Variants in SLC25A13 observed in about 807,000 individuals in gnomAD.
The protein encoded by SLC25A13 is solute carrier family 25 member 13.
In SLC25A13, 70 loss-of-function variants were observed where a neutral mutation model predicts 85.5. The ratio of observed to expected loss-of-function variants is 0.82; its 90% confidence interval spans 0.68 to 1.00. The LOEUF (loss-of-function observed/expected upper bound fraction) is 1.00. Among genes scored for constraint, SLC25A13 ranks in the 50% least tolerant of loss-of-function variants. The pLI is 0.00. For missense variants in SLC25A13, 765 were observed against 819.8 expected (o/e 0.93, Z 0.82); for synonymous variants, 259 against 288.7 (o/e 0.90, Z 1.04).
chr7:96,170,270 A>G, intron 12 of SLC25A13, 145 bp from the exon 13 acceptor site: 1 of 748,644 alleles, frequency 1.3e-6, no homozygotes, highest in South Asian at 1.6e-5. Context: ...CAGATCTTAA[A>G]ATAGTTTGAG....
At chr7:96,185,284 T>TA (rs923723622) in intron 9 of SLC25A13, among the ~76,000 whole-genome samples, 195 of 151,976 alleles carry the variant, frequency 1.3e-3, no homozygotes, top group African/African-American at 4.3e-3. Context: ...AAATTCTCAT[T>TA]AAAAAAAATG....
chr7:96,262,778 G>A (rs1370675838), intron 3 of SLC25A13, among the ~76,000 whole-genome samples: 2 of 152,138 alleles, frequency 1.3e-5, no homozygotes, highest in Non-Finnish European at 2.9e-5. Flanking sequence ...AGCAGATTGA[G>A]CACAAGCCAG....
chr7:96,225,385 A>C (rs1190593012), intron 4 of SLC25A13, among the ~76,000 whole-genome samples: 1 of 152,120 alleles, frequency 6.6e-6, no homozygotes, highest in Non-Finnish European at 1.5e-5. Flanking sequence ...CTTTACGAAA[A>C]TAAAAATAAA....
chr7:96,244,648 C>G (rs1797116701), intron 3 of SLC25A13, among the ~76,000 whole-genome samples: 1 of 152,154 alleles, frequency 6.6e-6, no homozygotes. Flanking sequence ...GGCAGCCATT[C>G]TGTGCCCACC....
At chr7:96,279,624 C>T (rs1798592217) in intron 2 of SLC25A13, among the ~76,000 whole-genome samples, 1 of 152,136 alleles carries the variant, frequency 6.6e-6, no homozygotes, top group African/African-American at 2.4e-5. Flanking sequence ...CTGGCTCCAC[C>T]CTTTAAATGT....
At chr7:96,306,694 A>G (rs1799757302) in intron 1 of SLC25A13, 1 of 822,476 alleles carries the variant, frequency 1.2e-6, no homozygotes, top group Admixed American at 2.8e-5. Flanking sequence ...TACAGCAGCC[A>G]AACGGTGAGC....
At chr7:96,294,905 T>C (rs1799290754) in intron 2 of SLC25A13, among the ~76,000 whole-genome samples, 1 of 152,242 alleles carries the variant, frequency 6.6e-6, no homozygotes, top group Non-Finnish European at 1.5e-5. Context: ...TCCCTGCTTT[T>C]AATTCATTTG....
chr7:96,230,451 G>A (rs1374796204), intron 4 of SLC25A13, among the ~76,000 whole-genome samples: 1 of 152,126 alleles, frequency 6.6e-6, no homozygotes, highest in Non-Finnish European at 1.5e-5. Flanking sequence ...ATATTCTTCT[G>A]CATGTATGCT....
intron 3 of SLC25A13, among the ~76,000 whole-genome samples, chr7:96,238,840 A>C (rs1796844977): frequency 6.6e-6 from 1 of 151,934 alleles, no homozygotes. Flanking sequence ...CACAGACATT[A>C]GGTTCATTAA....
In SLC25A13 at chr7:96,277,325, T is replaced by G; in HGVS notation, c.83A>C (p.Glu28Ala). The G allele has an allele frequency of 1.9e-6, 3 of 1,612,904 alleles. No individual in the cohort carries two copies. The highest frequency in any genetic ancestry group is 1.7e-6 in the Non-Finnish European group (2 of 1,179,406). ...GGACATGAAAAATTCACCGTTTTTC[T>G]CAATGCTTGCATACTGTTTAAAAAA... Reference protein sequence around the residue: ...RTIFLKYASIEKNGEFFMSPN... With the variant: ...RTIFLKYASIAKNGEFFMSPN... Residue 28 changes from glutamate to alanine, a missense_variant, in exon 3 of 18, where the codon GAG becomes GCG. Transcript: ENST00000265631.
chr7:96,200,079 A>AGCATATTATAT (rs1795197229), intron 5 of SLC25A13, among the ~76,000 whole-genome samples: 1 of 152,108 alleles, frequency 6.6e-6, no homozygotes, highest in Admixed American at 6.6e-5. Flanking sequence ...TAAAGCCAAA[A>AGCATATTATAT]ATGCCAAAAA....
chr7:96,154,399 C>T (rs1172370845), intron 13 of SLC25A13, among the ~76,000 whole-genome samples: 1 of 150,798 alleles, frequency 6.6e-6, no homozygotes, highest in Admixed American at 6.6e-5. Context: ...CAGGTTCAAG[C>T]GATTCTCAGG....
At chr7:96,259,695 C>T (rs1009393403) in intron 3 of SLC25A13, among the ~76,000 whole-genome samples, 1 of 152,154 alleles carries the variant, frequency 6.6e-6, no homozygotes, top group East Asian at 1.9e-4. Context: ...ACCTAGCAAT[C>T]TCATTACTGG....
At chr7:96,249,406 C>T (rs978241978) in intron 3 of SLC25A13, among the ~76,000 whole-genome samples, 5 of 152,194 alleles carry the variant, frequency 3.3e-5, no homozygotes, top group Admixed American at 2.0e-4. Context: ...ATGAATTCAC[C>T]TATTAACACA....
chr7:96,206,794 C>A lies in SLC25A13; in HGVS notation c.468+2044G>T, dbSNP rs539825826. 3.9e-5 allele frequency among the ~76,000 whole-genome samples: 6 copies of A among 152,322 alleles called. No homozygotes were observed. In the South Asian group the frequency reaches 1.2e-3, roughly 32 times the overall value. ...AGTCCCTGAGTTATTTAATCCTGGA[C>A]TCTGGCTTCCCCATATCTGGAGGAA... On this transcript the variant is annotated intron_variant, in intron 5 of 17. Transcript: ENST00000265631.
intron 3 of SLC25A13, among the ~76,000 whole-genome samples, chr7:96,240,304 C>G (rs1796920184): frequency 6.6e-6 from 1 of 152,122 alleles, no homozygotes; most frequent in African/African-American, 2.4e-5. Context: ...CACATGACAC[C>G]AGAAGGAAGA....
chr7:96,231,748 G>A (rs1241458123), intron 4 of SLC25A13, among the ~76,000 whole-genome samples: 2 of 150,854 alleles, frequency 1.3e-5, no homozygotes, highest in Non-Finnish European at 3.0e-5. Flanking sequence ...AAAGAAAAAA[G>A]TAGGCAAACA....
intron 15 of SLC25A13, among the ~76,000 whole-genome samples, chr7:96,131,050 C>A (rs1280558163): frequency 6.6e-6 from 1 of 152,182 alleles, no homozygotes; most frequent in East Asian, 1.9e-4. Flanking sequence ...CATCCTGTGA[C>A]CGCCTTAGGG....
At chr7:96,284,627 A>G (rs1158135094) in intron 2 of SLC25A13, among the ~76,000 whole-genome samples, 3 of 152,204 alleles carry the variant, frequency 2.0e-5, no homozygotes, top group Non-Finnish European at 4.4e-5. Context: ...TTGAATTGTA[A>G]TAATCCCCAT....
Sources: allele counts gnomAD v4.1 joint callset (sites outside exome capture counted in the v4.1 genomes callset), GRCh38; gene constraint gnomAD v4.1.1; transcripts MANE v1.5; gene names NCBI Gene and HGNC (gene_info 2026-07-23, HGNC 2026-07-21).